The following CCDC136 variants were observed in gnomAD, a reference collection of about 807,000 sequenced individuals.
The protein encoded by CCDC136 is coiled-coil domain-containing protein 136.
Under a neutral mutation model 141.2 loss-of-function variants are expected in CCDC136, and 100 were observed. The observed-to-expected ratio is 0.71, with a 90% CI of 0.60 to 0.84. The LOEUF (loss-of-function observed/expected upper bound fraction) is 0.84. Among genes scored for constraint, CCDC136 ranks in the 40% least tolerant of loss-of-function variants. The pLI, the probability that CCDC136 is intolerant of heterozygous loss-of-function variation, is 0.00. For missense variants in CCDC136, 1,206 were observed against 1,379.4 expected, an observed-to-expected ratio of 0.87 and a Z score of 1.99; for synonymous variants, 474 against 531.9, an observed-to-expected ratio of 0.89 and a Z score of 1.50.
intron 3 of CCDC136, among the ~76,000 whole-genome samples, chr7:128,796,748 T>C (rs1242855426): frequency 7.6e-6 from 1 of 132,012 alleles, no homozygotes; most frequent in East Asian, 2.2e-4. Context: ...TATTCTTTTT[T>C]TTTTTTTTTT....
chr7:128,808,074 G>A (rs1230905398), intron 10 of CCDC136, among the ~76,000 whole-genome samples: 6 of 152,278 alleles, frequency 3.9e-5, no homozygotes, highest in African/African-American at 1.2e-4. Flanking sequence ...TCACTCTGTC[G>A]CCCAGGCTGG....
rs536194070 is a variant in CCDC136, at chr7:128,805,219, T to C, written c.783-140T>C. The C allele has an allele frequency of 2.8e-6, 2 of 706,858 alleles. No homozygotes were observed. The highest frequency in any genetic ancestry group is 5.4e-5 in the East Asian group (2 of 37,086). 43.8% of individuals were successfully genotyped at this position (706,858 alleles called of 1,614,324 possible). A position where few individuals can be genotyped will look rare whatever the true frequency, so the allele number is the denominator to read the frequency against. Reference sequence around the variant, plus strand: ...GAGACTTTCTGTAGTCTTTTAAGCATGTTTATCTGAGCGGTGAGTCACAAT... The same window carrying C: ...GAGACTTTCTGTAGTCTTTTAAGCACGTTTATCTGAGCGGTGAGTCACAAT... On this transcript the variant is annotated intron_variant, in intron 5 of 17. Coordinates refer to ENST00000297788, the MANE Select transcript of CCDC136 (RefSeq NM_022742.5). The surrounding 1 kb of genome is among the most constrained non-coding windows in gnomAD (Gnocchi z 4.6).
chr7:128,795,501 C>T (rs561059321), intron 3 of CCDC136, among the ~76,000 whole-genome samples: 1 of 151,850 alleles, frequency 6.6e-6, no homozygotes, highest in East Asian at 1.9e-4. Context: ...AAAAGGAAGG[C>T]CAGGAAGCAG....
Position 128,817,747 on chromosome 7 carries a change from G to A in CCDC136, c.3364-11G>A. On this transcript the variant is annotated splice_polypyrimidine_tract_variant and intron_variant, in intron 16 of 17. Coordinates refer to ENST00000297788, the MANE Select transcript of CCDC136 (RefSeq NM_022742.5). This position sits in a 1 kb window ranked among gnomAD's most constrained non-coding sequence, Gnocchi z 4.6. Reference sequence around the variant, plus strand: ...CTCCTCGTGCTTCTTTCTCATTTTGGTGTGTTGCAGTCATCCCCTACCCCC... The same window carrying A: ...CTCCTCGTGCTTCTTTCTCATTTTGATGTGTTGCAGTCATCCCCTACCCCC... 6.3e-7 allele frequency: 1 copy of A among 1,585,770 alleles called. No homozygotes were observed. The highest frequency in any genetic ancestry group is 1.1e-5 in the South Asian group (1 of 90,474).
At chr7:128,803,418 A>G (rs1039193793) in intron 4 of CCDC136, among the ~76,000 whole-genome samples, 4 of 152,226 alleles carry the variant, frequency 2.6e-5, no homozygotes, top group Non-Finnish European at 4.4e-5. Context: ...TGGGAGGCCG[A>G]GGCAGGTGGA....
At position 128,812,788 on chromosome 7, in the gene CCDC136, C is replaced by G. The variant is rs1330995628; in HGVS notation, c.2622C>G (p.His874Gln). Reference protein sequence around the residue: ...QAMYQISQEEHSQLQEQMEKL... With the variant: ...QAMYQISQEEQSQLQEQMEKL... Reference sequence around the variant, plus strand: ...TGTACCAGATAAGCCAGGAGGAACACAGCCAGCTGCAAGAGCAGATGGAAA... The same window carrying G: ...TGTACCAGATAAGCCAGGAGGAACAGAGCCAGCTGCAAGAGCAGATGGAAA... The change falls in exon 14 of 18, where the codon CAC becomes CAG. Residue 874 changes from histidine to glutamine, a missense_variant. By Grantham distance (24) the His-to-Gln change is conservative. Coordinates refer to ENST00000297788, the MANE Select transcript of CCDC136 (RefSeq NM_022742.5). The G allele has an allele frequency of 6.2e-7, 1 of 1,613,364 alleles. No individual in the cohort carries two copies. The highest frequency in any genetic ancestry group is 1.3e-5 in the African/African-American group (1 of 74,898).
In CCDC136 at chr7:128,797,037, G is replaced by A. The variant is rs541108335; in HGVS notation, c.346+2269G>A. Among the ~76,000 whole-genome samples the A allele has an allele frequency of 2.6e-4, 39 of 152,178 alleles. No homozygotes were observed. In the East Asian group the frequency reaches 2.7e-3, roughly 11 times the overall value. On this transcript the variant is annotated intron_variant, in intron 3 of 17. Transcript: ENST00000297788. ...ATTACAGGCGTGAGCCACCGCGCCC[G>A]GCCCAGAATATATTTTGAAGGTGAA...
intron 3 of CCDC136, among the ~76,000 whole-genome samples, chr7:128,795,729 G>A (rs935874279): frequency 1.3e-5 from 2 of 152,052 alleles, no homozygotes. Flanking sequence ...GTGATCTTGG[G>A]CAAGTCACTT....
Position 128,794,711 on chromosome 7 carries a change from C to A in CCDC136, c.289C>A (p.Arg97=). ...CCCTGCAGGGCTCCTGGAGGATGAA[C>A]GGCTAGCCAGCGCCCAGCAGGCAGA... ...LELQGLLEDE[R]LASAQQAEVF... is the part of the protein sequence containing the mutation. The change falls in exon 3 of 18, where the codon CGG becomes AGG. Residue 97 remains arginine, a synonymous_variant. Transcript: ENST00000297788. This position sits in a 1 kb window ranked among gnomAD's most constrained non-coding sequence, Gnocchi z 4.3. The A allele has an allele frequency of 6.4e-7, 1 of 1,551,598 alleles. No individual in the cohort carries two copies. Among genetic ancestry groups the A allele is most frequent in the South Asian group, 1.2e-5 (1 of 84,060 alleles).
Position 128,812,892 on chromosome 7 carries a change from T to C in CCDC136, c.2726T>C (p.Leu909Pro), listed in dbSNP as rs763155368. ...EREFKECMECLEKPMAPQNDK... is the reference protein window; with the variant it reads ...EREFKECMECPEKPMAPQNDK... ...GAGTTCAAGGAGTGCATGGAATGCC[T>C]TGAAAAGCCCATGGCCCCCCAGAAC... The change falls in exon 14 of 18, where the codon CTT becomes CCT. Residue 909 changes from leucine (L) to proline (P), a missense_variant. Physicochemically the swap from Leu to Pro is moderately conservative, Grantham distance 98. Coordinates refer to ENST00000297788, the MANE Select transcript of CCDC136 (RefSeq NM_022742.5). 1 of 1,611,590 alleles carries C rather than the reference T, an allele frequency of 6.2e-7. No individual in the cohort carries two copies. The highest frequency in any genetic ancestry group is 1.1e-5 in the South Asian group (1 of 90,614).
rs571038120 is a variant in CCDC136, at chr7:128,794,178, C to T, written c.17-170C>T. ...AGGGGCTGCTTCTCAACTTGACTCT[C>T]ACACCTGAGGACTCATCTTGAGTAC... On this transcript the variant is annotated intron_variant, in intron 1 of 17. Transcript: ENST00000297788. The surrounding 1 kb of genome is among the most constrained non-coding windows in gnomAD (Gnocchi z 4.3). 1.5e-5 allele frequency: 13 copies of T among 848,230 alleles called. No homozygotes were observed. Among genetic ancestry groups the T allele is most frequent in the South Asian group, 1.3e-4 (9 of 69,388 alleles). 52.5% of individuals were successfully genotyped at this position (848,230 alleles called of 1,614,324 possible).
upstream of CCDC136, chr7:128,791,443 C>G: frequency 1.6e-6 from 2 of 1,277,620 alleles, no homozygotes; most frequent in Non-Finnish European, 2.0e-6. This position sits in a 1 kb window ranked among gnomAD's most constrained non-coding sequence, Gnocchi z 7.1. Context: ...TCCCCGGGCT[C>G]GCGGCTGCGG....
chr7:128,811,576 G>A (rs758992188), intron 12 of CCDC136, among the ~76,000 whole-genome samples: 2 of 152,182 alleles, frequency 1.3e-5, no homozygotes, highest in South Asian at 4.1e-4. Flanking sequence ...ATGGGAGCCC[G>A]GAAATCATGG....
chr7:128,815,074 G>A (rs17165245), intron 15 of CCDC136, among the ~76,000 whole-genome samples, 155 bp downstream of exon 15: 3,530 of 152,282 alleles, frequency 0.023, 57 homozygotes, highest in Non-Finnish European at 0.03. Flanking sequence ...TTAATGGAAA[G>A]TGGGTGCTCC....
chr7:128,818,061 C>T (rs143986467), intron 17 of CCDC136, 197 bp downstream of exon 17: 78 of 562,938 alleles, frequency 1.4e-4, no homozygotes, highest in African/African-American at 1.3e-3. Flanking sequence ...AGCATGTCTT[C>T]GTAATGCATA....
Position 128,806,265 on chromosome 7 carries a change from C to T in CCDC136, c.1118C>T (p.Thr373Ile). The change falls in exon 8 of 18, where the codon ACC (threonine) becomes ATC (isoleucine). Residue 373 changes from threonine to isoleucine, a missense_variant. Thr to Ile is a moderately conservative substitution (Grantham distance 89). Transcript: ENST00000297788. ...GAGGAGCTGAAGTCCAGACTCTGTA[C>T]CCTGCAGAAAAAATATGATACTAGC... ...QNEELKSRLC[T>I]LQKKYDTSQD... is the part of the protein sequence containing the mutation. 1 of 1,576,280 alleles carries T rather than the reference C, an allele frequency of 6.3e-7. No homozygotes were observed.
rs1806455498 is a variant in CCDC136, at chr7:128,815,506, C to A, written c.3046-108C>A. 2.3e-6 allele frequency: 3 copies of A among 1,291,726 alleles called. No homozygotes were observed. The East Asian group carries it at 7.6e-5, about 33-fold the overall frequency. 80.0% of individuals were successfully genotyped at this position (1,291,726 alleles called of 1,614,324 possible). A position where few individuals can be genotyped will look rare whatever the true frequency, so the allele number is the denominator to read the frequency against. ...CAGAGCACCGGGCCACACCCTTGCA[C>A]TCTGACATGCTGGAAGTCATGTTTC... On this transcript the variant is annotated intron_variant, in intron 15 of 17. Transcript: ENST00000297788.
At chr7:128,809,698 C>G in intron 11 of CCDC136, 54 bp downstream of exon 11, 2 of 1,280,444 alleles carry the variant, frequency 1.6e-6, no homozygotes, top group Non-Finnish European at 2.1e-6. Context: ...TGAGAAGCTT[C>G]CCTGTGTGAC....
At chr7:128,791,381 A>C (rs1300258007), upstream of CCDC136, 5 of 697,230 alleles carry the variant, frequency 7.2e-6, no homozygotes, top group African/African-American at 3.8e-5. The surrounding 1 kb of genome is among the most constrained non-coding windows in gnomAD (Gnocchi z 7.1). Context: ...AGGCCCGGCC[A>C]GGCCCCGCCC....
Sources: allele counts gnomAD v4.1 joint callset (sites outside exome capture counted in the v4.1 genomes callset), GRCh38; gene constraint gnomAD v4.1.1; non-coding constraint Gnocchi (gnomAD v3.1); transcripts MANE v1.5; gene names NCBI Gene and HGNC (gene_info 2026-07-23, HGNC 2026-07-21).